Variants in PLPPR1 observed in about 807,000 individuals in gnomAD.
PLPPR1 encodes the protein phospholipid phosphatase related 1.
In PLPPR1, 10 loss-of-function variants were observed where a neutral mutation model predicts 33.1. The observed-to-expected ratio is 0.30, with a 90% confidence interval of 0.19 to 0.51. PLPPR1 has a LOEUF of 0.51. PLPPR1 is among the 20% of genes least tolerant of loss of function. The probability of loss-of-function intolerance (pLI) is 0.97; values close to 1 mark genes in which losing one functional copy is unlikely to be tolerated. For synonymous variants in PLPPR1, 151 were observed against 151.0 expected (o/e 1.00, Z 0.00); for missense variants, 304 against 408.1 (o/e 0.74, Z 2.20).
At position 101,246,107 on chromosome 9, in the gene PLPPR1, TATAG is replaced by T. The variant is rs1249953933; in HGVS notation, c.64-23758_64-23755del. On this transcript the variant is annotated intron_variant, in intron 2 of 7. Transcript: ENST00000374874. Reference sequence around the variant, plus strand: ...ATATATATATATATATATATATATATATAGATAGATAGATAGATTTGTATAAGCA... The same window carrying T: ...ATATATATATATATATATATATATATATAGATAGATAGATTTGTATAAGCA... 3.3e-3 allele frequency among the ~76,000 whole-genome samples: 321 copies of T among 98,162 alleles called. 3 individuals are homozygous for T. Among genetic ancestry groups the T allele is most frequent in the East Asian group, 0.015 (48 of 3,130 alleles). 64.4% of individuals were successfully genotyped at this position (98,162 alleles called of 152,430 possible). A position where few individuals can be genotyped will look rare whatever the true frequency, so the allele number is the denominator to read the frequency against.
At chr9:101,297,757 A>T (rs1199548303) in intron 4 of PLPPR1, among the ~76,000 whole-genome samples, 9 of 152,216 alleles carry the variant, frequency 5.9e-5, no homozygotes. Context: ...CAAATTAGTA[A>T]CATGTATTAA....
chr9:101,203,702 T>C (rs1408494163), intron 2 of PLPPR1, among the ~76,000 whole-genome samples: 1 of 151,636 alleles, frequency 6.6e-6, no homozygotes, highest in African/African-American at 2.4e-5. Flanking sequence ...AGATACATTA[T>C]ATATCTATAT....
chr9:101,180,094 TTATATATA>T lies in PLPPR1; in HGVS notation c.-45-5313_-45-5306del, dbSNP rs71507977. 4.5e-3 allele frequency among the ~76,000 whole-genome samples: 280 copies of T among 61,898 alleles called. 2 individuals carry two copies. The highest frequency in any genetic ancestry group is 0.023 in the South Asian group (29 of 1,268). The allele number at this position is 61,898 out of a possible 152,430, so 40.6% of individuals were successfully genotyped here. A position where few individuals can be genotyped will look rare whatever the true frequency, so the allele number is the denominator to read the frequency against. On this transcript the variant is annotated intron_variant, in intron 1 of 7. Transcript: ENST00000374874. The stretch of plus-strand genomic sequence containing the variant: ...GAGTTAATACTTAATAAACTCTCCT[TTATATATA>T]TATATATATATATATATATATATAT...
At chr9:101,094,235 C>T (rs150571891) in intron 1 of PLPPR1, among the ~76,000 whole-genome samples, 1 of 152,192 alleles carries the variant, frequency 6.6e-6, no homozygotes, top group African/African-American at 2.4e-5. Context: ...ACACTTAAGG[C>T]CTTTGCTATC....
intron 1 of PLPPR1, among the ~76,000 whole-genome samples, chr9:101,070,684 C>G (rs1030942253): frequency 3.9e-5 from 6 of 152,048 alleles, no homozygotes; most frequent in Non-Finnish European, 8.8e-5. Context: ...TTCCTCTAAA[C>G]TTGCACTCTC....
At chr9:101,243,664 A>T (rs1827525652) in intron 2 of PLPPR1, among the ~76,000 whole-genome samples, 1 of 151,960 alleles carries the variant, frequency 6.6e-6, no homozygotes, top group African/African-American at 2.4e-5. Context: ...AAGGTGCCTA[A>T]GAAATTTCTA....
intron 2 of PLPPR1, 146 bp downstream of exon 2, chr9:101,185,703 T>C (rs2118717479): frequency 3.6e-6 from 2 of 561,110 alleles, no homozygotes; most frequent in East Asian, 6.1e-5. Flanking sequence ...TAATAAACTA[T>C]GCAAAGTGTT....
chr9:101,054,984 A>G (rs1470630484), intron 1 of PLPPR1, among the ~76,000 whole-genome samples: 2 of 152,186 alleles, frequency 1.3e-5, no homozygotes, highest in African/African-American at 4.8e-5. Flanking sequence ...CTTGGTTAAC[A>G]ACGTGGTCAT....
rs116494224 is a variant in PLPPR1, at chr9:101,218,177, G to C, written c.63+32620G>C. On this transcript the variant is annotated intron_variant, in intron 2 of 7. Coordinates refer to ENST00000374874, the MANE Select transcript of PLPPR1 (RefSeq NM_207299.2). ...TACACTATTCTTGATAGTATATCAA[G>C]AATATGCTATCAATGTGGATCAAAA... Among the ~76,000 whole-genome samples, 315 of 152,196 alleles carry C rather than the reference G, an allele frequency of 2.1e-3. 2 individuals carry two copies. The highest frequency in any genetic ancestry group is 6.8e-3 in the Middle Eastern group (2 of 294).
At chr9:101,174,289 G>A (rs1487692057) in intron 1 of PLPPR1, among the ~76,000 whole-genome samples, 1 of 152,160 alleles carries the variant, frequency 6.6e-6, no homozygotes, top group African/African-American at 2.4e-5. Flanking sequence ...TTTTATTTTA[G>A]TGAACTCTAT....
chr9:101,224,765 C>G (rs113302640), intron 2 of PLPPR1, among the ~76,000 whole-genome samples: 6 of 152,234 alleles, frequency 3.9e-5, no homozygotes, highest in South Asian at 2.1e-4. Flanking sequence ...TTGCACATCC[C>G]AAAGCTACGC....
intron 2 of PLPPR1, among the ~76,000 whole-genome samples, chr9:101,263,297 A>G (rs1827933319): frequency 6.6e-6 from 1 of 152,210 alleles, no homozygotes; most frequent in African/African-American, 2.4e-5. Flanking sequence ...CTTATCCTTT[A>G]ACCATTGGTT....
chr9:101,243,024 T>A (rs1461398036), intron 2 of PLPPR1, among the ~76,000 whole-genome samples: 2 of 151,922 alleles, frequency 1.3e-5, no homozygotes, highest in Non-Finnish European at 2.9e-5. Context: ...CTCAAAGAAA[T>A]TCATTAGGCA....
chr9:101,115,419 G>A (rs1831106424), intron 1 of PLPPR1, among the ~76,000 whole-genome samples: 1 of 152,128 alleles, frequency 6.6e-6, no homozygotes, highest in Non-Finnish European at 1.5e-5. Context: ...CAAACATTGG[G>A]GTTATAGTGA....
intron 1 of PLPPR1, among the ~76,000 whole-genome samples, chr9:101,036,496 T>C (rs868622940): frequency 2.6e-5 from 4 of 152,020 alleles, no homozygotes; most frequent in South Asian, 2.1e-4. Flanking sequence ...AATTTGTAAA[T>C]TTACATGTAG....
intron 4 of PLPPR1, 69 bp downstream of exon 4, chr9:101,286,305 A>G: frequency 7.1e-7 from 1 of 1,416,274 alleles, no homozygotes; most frequent in Non-Finnish European, 9.7e-7. Context: ...AACACTTGGT[A>G]AAATAAACTA....
intron 4 of PLPPR1, among the ~76,000 whole-genome samples, chr9:101,287,604 G>A (rs1489806456): frequency 3.3e-5 from 5 of 152,170 alleles, no homozygotes; most frequent in East Asian, 3.8e-4. Flanking sequence ...AGGTTCAAGC[G>A]ATTCTCCTGT....
intron 1 of PLPPR1, among the ~76,000 whole-genome samples, chr9:101,049,585 G>C (rs1830194355): frequency 6.6e-6 from 1 of 152,244 alleles, no homozygotes; most frequent in Non-Finnish European, 1.5e-5. Flanking sequence ...AACTGAAGCA[G>C]ACAGATATAG....
At chr9:101,199,202 C>T (rs886365228) in intron 2 of PLPPR1, among the ~76,000 whole-genome samples, 1 of 152,188 alleles carries the variant, frequency 6.6e-6, no homozygotes, top group African/African-American at 2.4e-5. Context: ...GTGAAAGGAA[C>T]TCAGTTATTG....
Sources: gnomAD v4.1 joint callset for allele counts (sites outside exome capture counted in the v4.1 genomes callset) on GRCh38, gnomAD v4.1.1 for gene constraint, MANE v1.5 for transcripts, NCBI Gene and HGNC (gene_info 2026-07-23, HGNC 2026-07-21) for gene names.